The following SGK1 variants were observed in gnomAD, a reference collection of about 807,000 sequenced individuals.
SGK1 encodes serine/threonine-protein kinase Sgk1.
A neutral mutation model predicts 64.2 loss-of-function variants in SGK1; 26 were observed. That is an observed-to-expected ratio of 0.40 (90% CI 0.30 to 0.56). The LOEUF is 0.56. Among genes scored for constraint, SGK1 ranks in the 20% least tolerant of loss-of-function variants. The pLI, the probability that SGK1 is intolerant of heterozygous loss-of-function variation, is 0.38. For missense variants in SGK1, 519 were observed against 645.6 expected, an observed-to-expected ratio of 0.80 and a Z score of 2.12; for synonymous variants, 265 against 239.7, an observed-to-expected ratio of 1.11 and a Z score of -0.98.
chr6:134,183,354 ATTG>A (rs1170669591), intron 3 of SGK1, among the ~76,000 whole-genome samples: 1 of 152,202 alleles, frequency 6.6e-6, no homozygotes, highest in Non-Finnish European at 1.5e-5. Context: ...ACAATAACTT[ATTG>A]TTAACTCTGA....
intron 11 of SGK1, 108 bp from the exon 12 acceptor site, chr6:134,171,286 G>A: frequency 9.7e-7 from 1 of 1,031,922 alleles, no homozygotes; most frequent in Non-Finnish European, 1.5e-6. Context: ...CTCGATTTGA[G>A]AAACTCTCCC....
chr6:134,192,683 C>A (rs1489966704), intron 3 of SGK1, among the ~76,000 whole-genome samples: 1 of 151,834 alleles, frequency 6.6e-6, no homozygotes, highest in Non-Finnish European at 1.5e-5. Flanking sequence ...GATTCCCCCA[C>A]CTCAGCCTCC....
intron 2 of SGK1, chr6:134,261,595 T>A: frequency 1.8e-6 from 1 of 548,764 alleles, no homozygotes; most frequent in East Asian, 2.8e-5. Flanking sequence ...TCCAAACCCA[T>A]AGAATGTATA....
chr6:134,313,307 C>T (rs1177350225), intron 1 of SGK1, among the ~76,000 whole-genome samples: 1 of 152,110 alleles, frequency 6.6e-6, no homozygotes. Context: ...AAACTCGAGA[C>T]CAGCCAGGGC....
intron 1 of SGK1, among the ~76,000 whole-genome samples, chr6:134,307,703 CT>C (rs1335138892): frequency 6.6e-6 from 1 of 152,140 alleles, no homozygotes; most frequent in Non-Finnish European, 1.5e-5. Context: ...AAACCATCCT[CT>C]TTTTTTCCCA....
chr6:134,251,434 C>T (rs1562264808), intron 2 of SGK1, among the ~76,000 whole-genome samples: 2 of 152,112 alleles, frequency 1.3e-5, no homozygotes, highest in Non-Finnish European at 2.9e-5. Context: ...TAATTAGAAG[C>T]AGGAAAGATT....
chr6:134,176,662 T>C (rs558230702), intron 3 of SGK1, among the ~76,000 whole-genome samples: 38 of 152,320 alleles, frequency 2.5e-4, no homozygotes, highest in Middle Eastern at 6.8e-3. Context: ...GGCTCTGCCA[T>C]TTTAAAGTTG....
At chr6:134,221,317 GA>G (rs2114702520) in intron 2 of SGK1, among the ~76,000 whole-genome samples, 1 of 152,142 alleles carries the variant, frequency 6.6e-6, no homozygotes, top group African/African-American at 2.4e-5. Context: ...AAATGAAAAA[GA>G]AAAAGTTTGC....
At chr6:134,311,150 TAGAG>T (rs1184900582) in intron 1 of SGK1, among the ~76,000 whole-genome samples, 5 of 152,062 alleles carry the variant, frequency 3.3e-5, no homozygotes, top group Admixed American at 2.6e-4. Context: ...TATCTAAACA[TAGAG>T]AGAAATAAAA....
intron 2 of SGK1, among the ~76,000 whole-genome samples, chr6:134,258,811 A>AAAAATAAAATAAAAT (rs144441175): frequency 6.6e-6 from 1 of 151,936 alleles, no homozygotes; most frequent in African/African-American, 2.4e-5. Context: ...TGTCTCCACA[A>AAAAATAAAATAAAAT]AAAATAAAAT....
At chr6:134,246,773 A>G (rs1396036419) in intron 2 of SGK1, among the ~76,000 whole-genome samples, 1 of 151,952 alleles carries the variant, frequency 6.6e-6, no homozygotes, top group East Asian at 1.9e-4. Context: ...TTGTATTTTT[A>G]GTAGAGACAG....
At chr6:134,173,417 G>C in intron 6 of SGK1, 45 bp downstream of exon 6, 1 of 1,572,340 alleles carries the variant, frequency 6.4e-7, no homozygotes, top group Middle Eastern at 1.7e-4. Context: ...ATACAAAAGA[G>C]GACATGAAGG....
chr6:134,182,216 C>T (rs1267514019), intron 3 of SGK1, among the ~76,000 whole-genome samples: 5 of 151,948 alleles, frequency 3.3e-5, no homozygotes, highest in South Asian at 2.1e-4. Context: ...AGCTGTATAG[C>T]GGGGAGAGTT....
intron 10 of SGK1, 184 bp downstream of exon 10, chr6:134,172,009 A>C: frequency 1.3e-6 from 1 of 761,906 alleles, no homozygotes; most frequent in Non-Finnish European, 2.1e-6. Context: ...ACTTTTCAGT[A>C]AAGGAACAGA....
At chr6:134,300,990 T>A (rs901169378) in intron 1 of SGK1, among the ~76,000 whole-genome samples, 16 of 152,208 alleles carry the variant, frequency 1.1e-4, no homozygotes, top group Middle Eastern at 3.4e-3. Context: ...TGCACTGACG[T>A]TGGGAGAAAA....
chr6:134,269,154 C>G (rs1420536523), intron 1 of SGK1, among the ~76,000 whole-genome samples: 1 of 147,500 alleles, frequency 6.8e-6, no homozygotes, highest in African/African-American at 2.4e-5. Flanking sequence ...AGTTTAGGTA[C>G]TTAGGTGTGA....
Position 134,170,373 on chromosome 6 carries a change from G to T in SGK1, c.1476C>A (p.Ser492=). Residue 492 remains serine, a synonymous_variant, in exon 14 of 14, where the codon TCC becomes TCA. Coordinates refer to ENST00000367858, the MANE Select transcript of SGK1 (RefSeq NM_001143676.3). The part of the protein sequence containing the change: ...PEFTEEPVPN[S]IGKSPDSVLV... ...GGACGCTGTCAGGGGACTTGCCAAT[G>T]GAGTTGGGGACAGGCTCTTCGGTAA... 1 of 1,614,168 alleles carries T rather than the reference G, an allele frequency of 6.2e-7. No homozygotes were observed. Among genetic ancestry groups the T allele is most frequent in the East Asian group, 2.2e-5 (1 of 44,886 alleles).
At chr6:134,312,996 C>T (rs750944105) in intron 1 of SGK1, among the ~76,000 whole-genome samples, 145 of 152,202 alleles carry the variant, frequency 9.5e-4, no homozygotes, top group Admixed American at 9.8e-4. Flanking sequence ...TGGTCTCGAA[C>T]TCCTGACTTT....
At chr6:134,251,468 C>A (rs1370171234) in intron 2 of SGK1, among the ~76,000 whole-genome samples, 1 of 152,100 alleles carries the variant, frequency 6.6e-6, no homozygotes, top group Non-Finnish European at 1.5e-5. Context: ...CAAAAGCCAA[C>A]AAAATATGCT....
Sources: allele counts gnomAD v4.1 joint callset (sites outside exome capture counted in the v4.1 genomes callset), GRCh38; gene constraint gnomAD v4.1.1; transcripts MANE v1.5; gene names NCBI Gene and HGNC (gene_info 2026-07-23, HGNC 2026-07-21).